The following FSTL4 variants were observed in gnomAD, a reference collection of about 807,000 sequenced individuals.
FSTL4 encodes the protein follistatin like 4, also known as follistatin-related protein 4.
A neutral mutation model predicts 78.2 loss-of-function variants in FSTL4; 28 were observed. That is an observed-to-expected ratio of 0.36 (90% CI 0.27 to 0.49). The LOEUF (loss-of-function observed/expected upper bound fraction) is 0.49. FSTL4 is among the 20% of genes least tolerant of loss of function. FSTL4 has a pLI of 0.98. For missense variants in FSTL4, 922 were observed against 1,084.9 expected (o/e 0.85, Z 2.11); for synonymous variants, 422 against 440.5 (o/e 0.96, Z 0.53).
chr5:133,305,532 C>T (rs184373907), intron 6 of FSTL4, among the ~76,000 whole-genome samples: 10 of 152,304 alleles, frequency 6.6e-5, no homozygotes, highest in Non-Finnish European at 1.0e-4. Context: ...CCTCTTGGGA[C>T]AGTTGGTCCT....
At chr5:133,837,011 G>T in the FSTL4 span, among the ~76,000 whole-genome samples, 7 of 152,130 alleles carry the variant, frequency 4.6e-5, no homozygotes, top group Middle Eastern at 6.8e-3. Context: ...GGAAATTCTT[G>T]TCCCTTATCT....
chr5:133,579,666 G>C (rs1760360156), intron 2 of FSTL4, among the ~76,000 whole-genome samples: 1 of 152,184 alleles, frequency 6.6e-6, no homozygotes, highest in Non-Finnish European at 1.5e-5. Context: ...ACATCCACCT[G>C]TTTAACATGA....
intron 7 of FSTL4, chr5:133,247,673 GA>G (rs1752082825): frequency 2.0e-5 from 3 of 152,416 alleles, no homozygotes; most frequent in Admixed American, 6.5e-5. Flanking sequence ...CCCAGAAAAT[GA>G]AGGGTTCTGC....
At chr5:133,705,972 C>T in the FSTL4 span, among the ~76,000 whole-genome samples, 1 of 152,150 alleles carries the variant, frequency 6.6e-6, no homozygotes, top group Admixed American at 6.5e-5. Flanking sequence ...TTTCCTTTCT[C>T]CTCTGTGTTT....
chr5:133,647,007 T>C, the FSTL4 span, among the ~76,000 whole-genome samples: 15,379 of 152,152 alleles, frequency 0.1, 882 homozygotes, highest in South Asian at 0.17. Context: ...AACAACATAA[T>C]AAGGAGCAGA....
At chr5:133,303,680 CA>C (rs908927369) in intron 6 of FSTL4, among the ~76,000 whole-genome samples, 1 of 152,222 alleles carries the variant, frequency 6.6e-6, no homozygotes, top group Non-Finnish European at 1.5e-5. Flanking sequence ...TGGGGTTCTG[CA>C]GGGCACTGTC....
intron 2 of FSTL4, among the ~76,000 whole-genome samples, chr5:133,591,141 G>A (rs937976834): frequency 2.6e-5 from 4 of 152,168 alleles, no homozygotes; most frequent in Non-Finnish European, 5.9e-5. Context: ...AATGCAAGTC[G>A]GCCTGTGGAG....
chr5:133,805,226 C>T, the FSTL4 span, among the ~76,000 whole-genome samples: 5 of 152,178 alleles, frequency 3.3e-5, no homozygotes, highest in Non-Finnish European at 5.9e-5. Flanking sequence ...GTCCCACATT[C>T]AAAAATGCAC....
At chr5:133,778,431 G>C in the FSTL4 span, among the ~76,000 whole-genome samples, 2 of 152,202 alleles carry the variant, frequency 1.3e-5, no homozygotes, top group Non-Finnish European at 2.9e-5. Flanking sequence ...ACATAACTTA[G>C]AATGATTATC....
chr5:133,340,030 A>G (rs772466065), intron 4 of FSTL4, among the ~76,000 whole-genome samples: 11 of 152,200 alleles, frequency 7.2e-5, no homozygotes, highest in Non-Finnish European at 1.3e-4. Flanking sequence ...CTCACAGGAT[A>G]GGCCGGAGGG....
chr5:133,798,719 TAGAA>T, the FSTL4 span, among the ~76,000 whole-genome samples: 8 of 151,848 alleles, frequency 5.3e-5, no homozygotes, highest in Non-Finnish European at 1.0e-4. Context: ...ACCGAAATCT[TAGAA>T]AGCCTCTCGT....
intron 6 of FSTL4, among the ~76,000 whole-genome samples, chr5:133,276,379 G>C (rs1411992867): frequency 1.3e-5 from 2 of 152,212 alleles, no homozygotes; most frequent in East Asian, 3.8e-4. Context: ...CGGAAGGTCT[G>C]TCCCGCCCTG....
chr5:133,680,848 G>A, the FSTL4 span, among the ~76,000 whole-genome samples: 1 of 152,348 alleles, frequency 6.6e-6, no homozygotes, highest in South Asian at 2.1e-4. Context: ...GACTTCACGT[G>A]TGTTCATTCT....
At chr5:133,724,855 G>A in the FSTL4 span, among the ~76,000 whole-genome samples, 3 of 152,222 alleles carry the variant, frequency 2.0e-5, no homozygotes, top group South Asian at 4.1e-4. Flanking sequence ...TAGCACTTAC[G>A]TTTAGGTTTA....
At chr5:133,358,612 T>C (rs1003845823) in intron 4 of FSTL4, among the ~76,000 whole-genome samples, 10 of 147,864 alleles carry the variant, frequency 6.8e-5, no homozygotes, top group Non-Finnish European at 1.2e-4. Flanking sequence ...TTTTTTTTTT[T>C]TGAGGCGGAG....
chr5:133,685,850 T>C, the FSTL4 span, among the ~76,000 whole-genome samples: 1 of 152,234 alleles, frequency 6.6e-6, no homozygotes, highest in African/African-American at 2.4e-5. Flanking sequence ...ACACCCTCAC[T>C]GTGTCCCAGC....
At chr5:133,240,474 GTCC>G (rs969437863) in intron 7 of FSTL4, among the ~76,000 whole-genome samples, 1 of 152,188 alleles carries the variant, frequency 6.6e-6, no homozygotes, top group African/African-American at 2.4e-5. Context: ...GAGTGGGCCT[GTCC>G]TCCTGCTCGT....
the FSTL4 span, among the ~76,000 whole-genome samples, chr5:133,779,254 A>G: frequency 2.6e-5 from 4 of 152,114 alleles, no homozygotes. Flanking sequence ...CTAATGGTCC[A>G]TTCTCGACAT....
the FSTL4 span, among the ~76,000 whole-genome samples, chr5:133,620,828 G>A: frequency 1.3e-5 from 2 of 152,264 alleles, no homozygotes; most frequent in East Asian, 3.9e-4. Flanking sequence ...CTACACTGCT[G>A]GTGGGAATGT....
Sources: gnomAD v4.1 joint callset for allele counts (sites outside exome capture counted in the v4.1 genomes callset) on GRCh38, gnomAD v4.1.1 for gene constraint, MANE v1.5 for transcripts, NCBI Gene and HGNC (gene_info 2026-07-23, HGNC 2026-07-21) for gene names.